The following GALNT10 variants were observed in gnomAD, a reference collection of about 807,000 sequenced individuals.
The protein encoded by GALNT10 is GalNAc transferase 10.
A neutral mutation model predicts 75.0 loss-of-function variants in GALNT10; 41 were observed. The ratio of observed to expected loss-of-function variants is 0.55; its 90% confidence interval spans 0.43 to 0.71. The LOEUF is 0.71. Among genes scored for constraint, GALNT10 ranks in the 30% least tolerant of loss-of-function variants. The probability of loss-of-function intolerance (pLI) is 0.00; values close to 1 mark genes in which losing one functional copy is unlikely to be tolerated. For missense variants in GALNT10, 727 were observed against 818.5 expected (o/e 0.89, Z 1.36); for synonymous variants, 302 against 313.0 (o/e 0.96, Z 0.37).
At chr5:154,392,604 C>G (rs546431941) in intron 7 of GALNT10, 1 of 152,220 alleles carries the variant, frequency 6.6e-6, no homozygotes, top group Non-Finnish European at 1.5e-5. Flanking sequence ...GTGTGGACAG[C>G]CCTCTGACAT....
intron 1 of GALNT10, among the ~76,000 whole-genome samples, chr5:154,263,031 C>T (rs1411510412): frequency 3.9e-5 from 6 of 152,046 alleles, no homozygotes; most frequent in African/African-American, 1.4e-4. Flanking sequence ...AAATTGGAAC[C>T]CTCAGACATT....
intron 3 of GALNT10, among the ~76,000 whole-genome samples, chr5:154,326,958 A>G (rs1561661888): frequency 6.6e-6 from 1 of 152,230 alleles, no homozygotes; most frequent in Non-Finnish European, 1.5e-5. Flanking sequence ...CAGTAATTCT[A>G]TATGTTAAAT....
intron 1 of GALNT10, 98 bp downstream of exon 1, chr5:154,191,123 G>A: frequency 3.6e-6 from 3 of 831,380 alleles, no homozygotes; most frequent in Non-Finnish European, 1.7e-6. Flanking sequence ...TGCCTCCTCA[G>A]AGTCAGCTCC....
chr5:154,364,370 C>A (rs193234169), intron 4 of GALNT10, among the ~76,000 whole-genome samples: 2 of 152,232 alleles, frequency 1.3e-5, no homozygotes, highest in African/African-American at 4.8e-5. Flanking sequence ...GATTAGATAC[C>A]AGAAGACCTG....
At chr5:154,204,850 T>C (rs956275016) in intron 1 of GALNT10, among the ~76,000 whole-genome samples, 1 of 152,258 alleles carries the variant, frequency 6.6e-6, no homozygotes, top group Non-Finnish European at 1.5e-5. Context: ...ATTTATTTAC[T>C]TGTTTATTTC....
chr5:154,253,706 CTTTTTTTT>C (rs33933907), intron 1 of GALNT10, among the ~76,000 whole-genome samples: 2 of 72,670 alleles, frequency 2.8e-5, no homozygotes, highest in Admixed American at 1.4e-4. Context: ...AAAGCCTCCT[CTTTTTTTT>C]TTTTTTTTTT....
chr5:154,405,592 G>C (rs1426300114), intron 8 of GALNT10, among the ~76,000 whole-genome samples: 1 of 152,158 alleles, frequency 6.6e-6, no homozygotes, highest in African/African-American at 2.4e-5. Context: ...GACTCTTCCG[G>C]CTACAAGGGA....
At chr5:154,385,485 C>G (rs554498950) in intron 6 of GALNT10, among the ~76,000 whole-genome samples, 1 of 152,142 alleles carries the variant, frequency 6.6e-6, no homozygotes, top group Non-Finnish European at 1.5e-5. Flanking sequence ...TTCCTTGACC[C>G]TTGCCCCAGC....
intron 9 of GALNT10, among the ~76,000 whole-genome samples, chr5:154,410,714 C>T (rs1451577551): frequency 6.6e-6 from 1 of 152,170 alleles, no homozygotes; most frequent in Non-Finnish European, 1.5e-5. Context: ...AGAGCGAGTT[C>T]CGGTTTGAAG....
intron 4 of GALNT10, among the ~76,000 whole-genome samples, chr5:154,330,949 G>A (rs1284606637): frequency 2.8e-5 from 4 of 142,788 alleles, no homozygotes; most frequent in Non-Finnish European, 4.6e-5. Context: ...TTGTGTGTGT[G>A]TAGACATTTA....
chr5:154,248,425 T>C (rs1460504749), intron 1 of GALNT10, among the ~76,000 whole-genome samples: 3 of 152,136 alleles, frequency 2.0e-5, no homozygotes, highest in Admixed American at 2.0e-4. Flanking sequence ...AATTCAGCTG[T>C]GAATCCATCT....
chr5:154,247,101 T>C (rs549541660), intron 1 of GALNT10, among the ~76,000 whole-genome samples: 1 of 152,332 alleles, frequency 6.6e-6, no homozygotes, highest in South Asian at 2.1e-4. Flanking sequence ...GTCAGGTTTG[T>C]CAAAGATCAG....
rs149128 is a variant in GALNT10, at chr5:154,376,568, G to A, written c.754+106G>A. The A allele has an allele frequency of 0.27, 196,644 of 723,660 alleles. 27,593 individuals are homozygous for A. Among genetic ancestry groups the A allele is most frequent in the South Asian group, 0.3 (14,300 of 47,044 alleles). 44.8% of individuals were successfully genotyped at this position (723,660 alleles called of 1,614,324 possible). On this transcript the variant is annotated intron_variant, in intron 5 of 11. Transcript: ENST00000297107. This position sits in a 1 kb window ranked among gnomAD's most constrained non-coding sequence, Gnocchi z 4.1. Reference sequence around the variant, plus strand: ...TCCATAAGCCTTCCCTTGCCTGTTCGAGATGCCCCCAGCACAATGCCAGGT... The same window carrying A: ...TCCATAAGCCTTCCCTTGCCTGTTCAAGATGCCCCCAGCACAATGCCAGGT...
intron 1 of GALNT10, among the ~76,000 whole-genome samples, chr5:154,221,225 G>T (rs990549678): frequency 2.2e-4 from 33 of 152,212 alleles, no homozygotes; most frequent in African/African-American, 8.0e-4. Flanking sequence ...ATCAGGGTAC[G>T]TGGGTGAATA....
chr5:154,328,235 G>A (rs1549215), intron 3 of GALNT10, among the ~76,000 whole-genome samples: 113,351 of 151,508 alleles, frequency 0.75, 42,569 homozygotes, highest in Admixed American at 0.83. Context: ...CCAACTAGAT[G>A]TTTGATGATA....
At chr5:154,322,718 A>G (rs1488545914) in intron 3 of GALNT10, among the ~76,000 whole-genome samples, 1 of 152,106 alleles carries the variant, frequency 6.6e-6, no homozygotes, top group East Asian at 1.9e-4. Flanking sequence ...ACAGGAGCTG[A>G]TGTCCTCAGC....
intron 2 of GALNT10, among the ~76,000 whole-genome samples, chr5:154,296,243 C>T (rs1232529322): frequency 6.6e-6 from 1 of 152,148 alleles, no homozygotes; most frequent in Non-Finnish European, 1.5e-5. Context: ...TGTGCCACCA[C>T]ACCAGGCTAA....
intron 1 of GALNT10, among the ~76,000 whole-genome samples, chr5:154,237,740 T>C (rs1471751849): frequency 1.3e-5 from 2 of 152,192 alleles, no homozygotes; most frequent in Non-Finnish European, 2.9e-5. Context: ...TTCTGATGCG[T>C]AGATGGGGGT....
chr5:154,307,017 AAAAG>A (rs1446950129), intron 3 of GALNT10, among the ~76,000 whole-genome samples: 10 of 152,240 alleles, frequency 6.6e-5, no homozygotes, highest in Non-Finnish European at 1.2e-4. Context: ...GAAAAAGAGA[AAAAG>A]AAGACAAAAA....
Sources: gnomAD v4.1 joint callset for allele counts (sites outside exome capture counted in the v4.1 genomes callset) on GRCh38, gnomAD v4.1.1 for gene constraint, Gnocchi (gnomAD v3.1) non-coding constraint, MANE v1.5 for transcripts, NCBI Gene and HGNC (gene_info 2026-07-23, HGNC 2026-07-21) for gene names.